The following ITGA1 variants were observed in gnomAD, a reference collection of about 807,000 sequenced individuals.
ITGA1 encodes the protein integrin alpha-1.
Under a neutral mutation model 145.9 loss-of-function variants are expected in ITGA1, and 85 were observed. The ratio of observed to expected loss-of-function variants is 0.58; its 90% CI spans 0.49 to 0.70. The LOEUF (loss-of-function observed/expected upper bound fraction) is 0.70, where lower values mean the gene tolerates loss of function less well. ITGA1 is among the 30% of genes least tolerant of loss of function. The pLI, the probability that ITGA1 is intolerant of heterozygous loss-of-function variation, is 0.00. For synonymous variants in ITGA1, 520 were observed against 495.3 expected, an observed-to-expected ratio of 1.05 and a Z score of -0.66; for missense variants, 1,351 against 1,418.7, an observed-to-expected ratio of 0.95 and a Z score of 0.77.
intron 7 of ITGA1, among the ~76,000 whole-genome samples, chr5:52,887,044 C>A (rs187621398): frequency 0.026 from 4,026 of 152,178 alleles, 199 homozygotes; most frequent in African/African-American, 0.093. Context: ...CCCTGAAATT[C>A]AGGGTTTTTT....
intron 14 of ITGA1, among the ~76,000 whole-genome samples, chr5:52,911,517 GTATA>G (rs1200973650): frequency 9.1e-6 from 1 of 110,188 alleles, no homozygotes; most frequent in Non-Finnish European, 1.8e-5. Context: ...ACTATATATA[GTATA>G]TATATCTATA....
chr5:52,871,832 G>C (rs554185203), intron 6 of ITGA1, among the ~76,000 whole-genome samples: 3 of 152,282 alleles, frequency 2.0e-5, no homozygotes, highest in African/African-American at 7.2e-5. Flanking sequence ...ACCCAAGACA[G>C]AGTAAAGGCT....
intron 23 of ITGA1, among the ~76,000 whole-genome samples, chr5:52,934,759 T>C (rs779281312): frequency 4.6e-5 from 7 of 151,918 alleles, no homozygotes; most frequent in Non-Finnish European, 1.0e-4. Flanking sequence ...AACAAAATTA[T>C]AAATGAAGAC....
intron 1 of ITGA1, among the ~76,000 whole-genome samples, chr5:52,843,870 A>G (rs548785178): frequency 6.6e-6 from 1 of 152,272 alleles, no homozygotes; most frequent in Admixed American, 6.5e-5. Context: ...GTTTCTTAAT[A>G]CACAAAAAGA....
rs77730572 is a variant in ITGA1 at position 52,810,970 on chromosome 5, T to C, written c.61+22556T>C. On this transcript the variant is annotated intron_variant, in intron 1 of 28. Coordinates refer to ENST00000282588, the MANE Select transcript of ITGA1 (RefSeq NM_181501.2). ...TTTCATACAGATTCACATATGTTCT[T>C]CTGGATGAATTAGAAATTTTAATTG... is the stretch of plus-strand genomic sequence containing the variant. Among the ~76,000 whole-genome samples the C allele has an allele frequency of 2.2e-3, 332 of 152,328 alleles. 2 individuals are homozygous for C. The highest frequency in any genetic ancestry group is 7.9e-3 in the African/African-American group (327 of 41,568).
At chr5:52,835,467 T>C (rs1000730321) in intron 1 of ITGA1, among the ~76,000 whole-genome samples, 1 of 152,154 alleles carries the variant, frequency 6.6e-6, no homozygotes. Context: ...GGGAAAACTT[T>C]AGCAGAAGTT....
chr5:52,910,886 ATACTATATATAGTATATACGGTATG>A (rs1452567320), intron 14 of ITGA1, among the ~76,000 whole-genome samples: 1 of 137,504 alleles, frequency 7.3e-6, no homozygotes, highest in African/African-American at 2.8e-5. Context: ...TATGGTATGT[ATACTATATATAGTATATACGGTATG>A]TATACTATAT....
At position 52,957,371 on chromosome 5, in the gene ITGA1, AT is replaced by A. The variant is rs1252965123; in HGVS notation, c.*4924del. ...GCACCCGGGAATGCTTCTCATTGAA[AT>A]TTTACCATACCAAAAAATATGTAAG... On this transcript the variant is annotated 3_prime_UTR_variant, in exon 29 of 29. Coordinates refer to ENST00000282588, the MANE Select transcript of ITGA1 (RefSeq NM_181501.2). 6.6e-6 allele frequency: 1 copy of A among 152,126 alleles called. No homozygotes were observed. The highest frequency in any genetic ancestry group is 2.4e-5 in the African/African-American group (1 of 41,422). 9.4% of individuals were successfully genotyped at this position (152,126 alleles called of 1,614,324 possible). A position where few individuals can be genotyped will look rare whatever the true frequency, so the allele number is the denominator to read the frequency against.
chr5:52,800,428 A>T (rs1748445030), intron 1 of ITGA1: 4 of 1,614,078 alleles, frequency 2.5e-6, no homozygotes, highest in Non-Finnish European at 3.4e-6. Flanking sequence ...CGAGAAGGAC[A>T]ATGCGGGCCA....
At chr5:52,800,943 G>A (rs1748466047) in intron 1 of ITGA1, 2 of 1,614,084 alleles carry the variant, frequency 1.2e-6, no homozygotes, top group Admixed American at 1.7e-5. Context: ...GGGCCTTGGA[G>A]CGGTTCTATG....
chr5:52,907,475 A>C (rs556899522), intron 12 of ITGA1, among the ~76,000 whole-genome samples: 2 of 152,206 alleles, frequency 1.3e-5, no homozygotes. Flanking sequence ...GAAAATTTGC[A>C]TATGAAAGTT....
rs772401415 is a variant in ITGA1, at chr5:52,952,397, T to G, written c.3496-10T>G. 7.1e-7 allele frequency: 1 copy of G among 1,406,516 alleles called. No individual in the cohort carries two copies. The highest frequency in any genetic ancestry group is 1.3e-5 in the South Asian group (1 of 75,682). The allele number at this position is 1,406,516 out of a possible 1,614,324, so 87.1% of individuals were successfully genotyped here. A position where few individuals can be genotyped will look rare whatever the true frequency, so the allele number is the denominator to read the frequency against. On this transcript the variant is annotated splice_polypyrimidine_tract_variant and intron_variant, in intron 28 of 28. Transcript: ENST00000282588. Reference sequence around the variant, plus strand: ...AGTTAATTGTGTTATGTTTTGTGTTTTCTCAACAGATTGGATTCTTCAAAA... The same window carrying G: ...AGTTAATTGTGTTATGTTTTGTGTTGTCTCAACAGATTGGATTCTTCAAAA...
At chr5:52,902,887 C>T (rs980968059) in intron 11 of ITGA1, 10 of 152,018 alleles carry the variant, frequency 6.6e-5, no homozygotes, top group African/African-American at 2.4e-4. Context: ...TTTCTTCCAT[C>T]TTATTCTTTT....
intron 1 of ITGA1, among the ~76,000 whole-genome samples, chr5:52,818,024 C>T (rs891566899): frequency 2.0e-5 from 3 of 152,114 alleles, no homozygotes; most frequent in Non-Finnish European, 4.4e-5. Context: ...ACTTTATTTA[C>T]ATAAGCAGGT....
At chr5:52,814,564 T>C (rs1338153804) in intron 1 of ITGA1, among the ~76,000 whole-genome samples, 4 of 152,208 alleles carry the variant, frequency 2.6e-5, no homozygotes, top group Non-Finnish European at 5.9e-5. Flanking sequence ...CGTAATCATA[T>C]AAATTAGTTG....
intron 1 of ITGA1, chr5:52,801,427 C>T: frequency 6.2e-7 from 1 of 1,612,868 alleles, no homozygotes; most frequent in South Asian, 1.1e-5. Flanking sequence ...CTCCTCCGGA[C>T]ACAAGTACTC....
At chr5:52,831,165 C>T (rs1014698202) in intron 1 of ITGA1, among the ~76,000 whole-genome samples, 1 of 151,958 alleles carries the variant, frequency 6.6e-6, no homozygotes. Flanking sequence ...ATGGAGTCTC[C>T]TCTGTTGCCT....
intron 1 of ITGA1, among the ~76,000 whole-genome samples, chr5:52,805,609 G>A (rs1204931443): frequency 2.0e-5 from 3 of 151,940 alleles, no homozygotes; most frequent in African/African-American, 7.3e-5. Flanking sequence ...TTTAAAAATG[G>A]TAATTAAAAA....
intron 1 of ITGA1, chr5:52,801,666 G>T: frequency 6.2e-7 from 1 of 1,614,160 alleles, no homozygotes; most frequent in Non-Finnish European, 8.5e-7. Context: ...CACGGAGCCG[G>T]TATGTGAGGC....
Sources: allele counts gnomAD v4.1 joint callset (sites outside exome capture counted in the v4.1 genomes callset), GRCh38; gene constraint gnomAD v4.1.1; transcripts MANE v1.5; gene names NCBI Gene and HGNC (gene_info 2026-07-23, HGNC 2026-07-21).